Variants in RTL4 observed in about 807,000 individuals in gnomAD.
The protein encoded by RTL4 is retrotransposon Gag like 4.
RTL4 carries 4 observed loss-of-function variants against 5.3 expected under a neutral mutation model. The ratio of observed to expected loss-of-function variants is 0.75; its 90% CI spans 0.37 to 1.72. RTL4 has a LOEUF of 1.72. Among genes scored for constraint, RTL4 ranks in the 40% most tolerant of loss-of-function variants. The probability of loss-of-function intolerance (pLI) is 0.04; values close to 1 mark genes in which losing one functional copy is unlikely to be tolerated. For synonymous variants in RTL4, 98 were observed against 87.3 expected, an observed-to-expected ratio of 1.12 and a Z score of -0.68; for missense variants, 260 against 227.1, an observed-to-expected ratio of 1.14 and a Z score of -0.93.
chrX:112,403,072 A>C, the RTL4 span, among the ~76,000 whole-genome samples: 1 of 111,772 alleles, frequency 8.9e-6, no homozygotes, highest in Admixed American at 9.5e-5. Flanking sequence ...TAGGCTTCTG[A>C]AGTAGTGAAA....
chrX:112,230,990 C>T, the RTL4 span, among the ~76,000 whole-genome samples: 1 of 111,008 alleles, frequency 9.0e-6, no homozygotes, highest in Non-Finnish European at 1.9e-5. Context: ...TCATCACTGG[C>T]CATCAGAGAA....
At chrX:112,434,844 T>A in the RTL4 span, among the ~76,000 whole-genome samples, 49 of 111,616 alleles carry the variant, frequency 4.4e-4, no homozygotes, top group Non-Finnish European at 8.8e-4. Context: ...GTTCTCACAC[T>A]GCTGTGAGGA....
the RTL4 span, among the ~76,000 whole-genome samples, chrX:112,250,743 G>A: frequency 9.0e-6 from 1 of 111,699 alleles, no homozygotes; most frequent in Admixed American, 9.5e-5. Context: ...CAGTCATGAC[G>A]ATGTCTGGAT....
the RTL4 span, among the ~76,000 whole-genome samples, chrX:112,419,595 T>TATATATATATATATATATATATATATATA: frequency 2.1e-4 from 6 of 28,151 alleles, no homozygotes; most frequent in Non-Finnish European, 3.9e-4. Context: ...ATATATATAT[T>TATATATATATATATATATATATATATATA]TTTACATATG....
At chrX:112,244,191 T>C in the RTL4 span, among the ~76,000 whole-genome samples, 1 of 111,707 alleles carries the variant, frequency 9.0e-6, no homozygotes, top group Non-Finnish European at 1.9e-5. Flanking sequence ...GGTTGGAGAG[T>C]TCTGTAGATG....
At chrX:112,233,912 C>T in the RTL4 span, among the ~76,000 whole-genome samples, 1 of 111,560 alleles carries the variant, frequency 9.0e-6, no homozygotes, top group Non-Finnish European at 1.9e-5. Context: ...AAAAATAAGG[C>T]CGGGAGTGGT....
At chrX:112,411,963 T>A in the RTL4 span, among the ~76,000 whole-genome samples, 4 of 110,719 alleles carry the variant, frequency 3.6e-5, no homozygotes, top group African/African-American at 1.3e-4. Context: ...ACCTAAAGAC[T>A]CCACCAAGAA....
chrX:112,317,099 A>G, the RTL4 span, among the ~76,000 whole-genome samples: 5 of 111,812 alleles, frequency 4.5e-5, no homozygotes, highest in African/African-American at 1.6e-4. Context: ...CTTTACGGAA[A>G]GAAAATAAAC....
chrX:112,175,413 G>T, the RTL4 span, among the ~76,000 whole-genome samples: 5 of 108,570 alleles, frequency 4.6e-5, no homozygotes, highest in Non-Finnish European at 7.6e-5. Flanking sequence ...TATTTCTGAG[G>T]GCTCTGTTCT....
chrX:112,324,487 G>A, the RTL4 span, among the ~76,000 whole-genome samples: 39,000 of 109,639 alleles, frequency 0.36, 7,008 homozygotes, highest in African/African-American at 0.7. Context: ...CTTATGTTTC[G>A]GTCTTTAATC....
the RTL4 span, among the ~76,000 whole-genome samples, chrX:112,329,781 T>C: frequency 3.6e-5 from 4 of 110,980 alleles, no homozygotes; most frequent in Non-Finnish European, 5.7e-5. Flanking sequence ...GCAAACCGAA[T>C]CCAGCAGCAC....
At chrX:112,256,179 T>C in the RTL4 span, among the ~76,000 whole-genome samples, 1 of 112,190 alleles carries the variant, frequency 8.9e-6, no homozygotes, top group Non-Finnish European at 1.9e-5. Flanking sequence ...TGGACTAGCT[T>C]TCTAGCTTTA....
the RTL4 span, among the ~76,000 whole-genome samples, chrX:112,168,315 A>T: frequency 1.8e-5 from 2 of 111,966 alleles, no homozygotes; most frequent in African/African-American, 3.2e-5. Flanking sequence ...ATAAGGCATG[A>T]CATTTTTGGT....
At chrX:112,452,249 C>T (rs980356877), upstream of RTL4, among the ~76,000 whole-genome samples, 7 of 96,486 alleles carry the variant, frequency 7.3e-5, no homozygotes, top group Admixed American at 3.7e-4. Context: ...TGCCACCACG[C>T]GCAGCTAATT....
the RTL4 span, among the ~76,000 whole-genome samples, chrX:112,211,617 G>A: frequency 8.9e-6 from 1 of 112,036 alleles, no homozygotes; most frequent in Non-Finnish European, 1.9e-5. Context: ...CCAGGGTGTT[G>A]GCGAAAATTT....
the RTL4 span, among the ~76,000 whole-genome samples, chrX:112,157,790 G>C: frequency 1.5e-3 from 165 of 112,036 alleles, no homozygotes; most frequent in Middle Eastern, 4.6e-3. Context: ...AATCTGACTA[G>C]TCTCTGTTCT....
chrX:112,437,823 G>A, the RTL4 span, among the ~76,000 whole-genome samples: 1 of 63,775 alleles, frequency 1.6e-5, no homozygotes, highest in African/African-American at 6.1e-5. Flanking sequence ...GGTGGTGGTG[G>A]TGGTGGTGGT....
the RTL4 span, among the ~76,000 whole-genome samples, chrX:112,310,703 A>T: frequency 1.4e-5 from 1 of 71,549 alleles, no homozygotes; most frequent in Middle Eastern, 7.4e-3. Flanking sequence ...TATTATATAA[A>T]ATAATATATT....
chrX:112,206,737 A>G, the RTL4 span, among the ~76,000 whole-genome samples: 10 of 111,375 alleles, frequency 9.0e-5, no homozygotes, highest in East Asian at 1.7e-3. Context: ...TACTCCAGAC[A>G]CCTTTATCCA....
Sources: allele counts gnomAD v4.1 joint callset (sites outside exome capture counted in the v4.1 genomes callset), GRCh38; gene constraint gnomAD v4.1.1; transcripts MANE v1.5; gene names NCBI Gene and HGNC (gene_info 2026-07-23, HGNC 2026-07-21).